The following PCGF6 variants were observed in gnomAD, a reference collection of about 807,000 sequenced individuals.
PCGF6 encodes the protein polycomb group ring finger 6, also known as polycomb group RING finger protein 6.
In PCGF6, 24 loss-of-function variants were observed where a neutral mutation model predicts 45.5. The observed-to-expected ratio is 0.53, with a 90% CI of 0.38 to 0.74. The LOEUF is 0.74. Ranked by LOEUF, PCGF6 falls within the 30% of genes least tolerant of loss-of-function variation. PCGF6 has a pLI of 0.00. For missense variants in PCGF6, 356 were observed against 443.2 expected (o/e 0.80, Z 1.77); for synonymous variants, 152 against 162.1 (o/e 0.94, Z 0.47).
At chr10:103,309,110 G>C (rs2093147716) in intron 9 of PCGF6, among the ~76,000 whole-genome samples, 1 of 151,632 alleles carries the variant, frequency 6.6e-6, no homozygotes, top group South Asian at 2.1e-4. Flanking sequence ...ATGGAATTTT[G>C]AGTTAATGCT....
chr10:103,315,353 T>C (rs576377119), intron 8 of PCGF6, among the ~76,000 whole-genome samples: 14 of 151,916 alleles, frequency 9.2e-5, no homozygotes, highest in African/African-American at 3.1e-4. Context: ...ATCTGGCAAA[T>C]TGTGTGTTTT....
intron 7 of PCGF6, among the ~76,000 whole-genome samples, 168 bp downstream of exon 7, chr10:103,333,757 T>A (rs1349371266): frequency 6.6e-6 from 1 of 152,154 alleles, no homozygotes; most frequent in Non-Finnish European, 1.5e-5. Flanking sequence ...CTGTTCTGAA[T>A]GAACAAATCC....
At chr10:103,305,696 C>A (rs745842478) in intron 9 of PCGF6, among the ~76,000 whole-genome samples, 1 of 152,130 alleles carries the variant, frequency 6.6e-6, no homozygotes, top group African/African-American at 2.4e-5. Context: ...TGCTAAAGCT[C>A]TGAAACACTT....
intron 8 of PCGF6, among the ~76,000 whole-genome samples, chr10:103,323,923 T>C (rs1026902093): frequency 5.9e-5 from 9 of 151,438 alleles, no homozygotes; most frequent in Non-Finnish European, 8.8e-5. Context: ...TAACTAACAA[T>C]ACAGTATTTT....
At chr10:103,340,774 G>A (rs1051829478) in intron 6 of PCGF6, among the ~76,000 whole-genome samples, 2 of 151,726 alleles carry the variant, frequency 1.3e-5, no homozygotes, top group South Asian at 2.1e-4. Flanking sequence ...TTTTCTTTTC[G>A]TATTTTTTTG....
chr10:103,328,488 A>C (rs1471646119), intron 7 of PCGF6, among the ~76,000 whole-genome samples: 1 of 152,202 alleles, frequency 6.6e-6, no homozygotes, highest in African/African-American at 2.4e-5. Flanking sequence ...CTCCAGGCAG[A>C]CACCTGGGCT....
intron 7 of PCGF6, among the ~76,000 whole-genome samples, chr10:103,329,165 A>T (rs1250946352): frequency 1.3e-5 from 2 of 152,072 alleles, no homozygotes; most frequent in East Asian, 3.9e-4. Flanking sequence ...TCAGCCTCCC[A>T]AGTAGCTGGG....
At chr10:103,306,260 G>A (rs1592052013) in intron 9 of PCGF6, among the ~76,000 whole-genome samples, 3 of 152,090 alleles carry the variant, frequency 2.0e-5, no homozygotes, top group East Asian at 3.9e-4. Context: ...AACACCCACC[G>A]CTAATTTTTG....
At chr10:103,322,899 A>C (rs1362407991) in intron 8 of PCGF6, among the ~76,000 whole-genome samples, 6 of 151,374 alleles carry the variant, frequency 4.0e-5, no homozygotes, top group African/African-American at 1.2e-4. Flanking sequence ...CAAAAAACAA[A>C]AAACAAAAAA....
chr10:103,324,743 G>A (rs2093210665), intron 8 of PCGF6, among the ~76,000 whole-genome samples: 1 of 135,070 alleles, frequency 7.4e-6, no homozygotes, highest in Non-Finnish European at 1.5e-5. Flanking sequence ...CTGGGCAACG[G>A]AGTGAGACTC....
chr10:103,332,993 A>G (rs559402943), intron 7 of PCGF6, among the ~76,000 whole-genome samples: 2 of 152,010 alleles, frequency 1.3e-5, no homozygotes, highest in Non-Finnish European at 2.9e-5. Flanking sequence ...GCATGCCTGT[A>G]ATCCTAGCTA....
chr10:103,334,029 T>C, intron 6 of PCGF6, 77 bp from the exon 7 acceptor site: 1 of 987,506 alleles, frequency 1.0e-6, no homozygotes, highest in Non-Finnish European at 1.4e-6. Context: ...CATATATAAA[T>C]ATTTGAGAAA....
intron 6 of PCGF6, among the ~76,000 whole-genome samples, chr10:103,341,349 C>T (rs552946078): frequency 5.9e-5 from 9 of 151,894 alleles, no homozygotes; most frequent in Admixed American, 2.0e-4. Context: ...CTCCGCCTCC[C>T]GGGTTCAAGT....
chr10:103,348,998 C>T lies in PCGF6; in HGVS notation c.362G>A (p.Arg121His), dbSNP rs370275744. 2.2e-5 allele frequency: 36 copies of T among 1,606,682 alleles called. No homozygotes were observed. The highest frequency in any genetic ancestry group is 3.4e-5 in the South Asian group (3 of 89,202). ...GGTCAGCTCAGAGAGATTAATCAGG[C>T]GCTGCAAATAAACGGAAACAGTTTT... ...GRQDSEDEEE[R>H]LINLSELTPY... The change falls in exon 2 of 10, where the codon CGC (arginine) becomes CAC (histidine). Residue 121 changes from arginine to histidine, a missense_variant and splice_region_variant. By Grantham distance (29) the Arg-to-His change is conservative. Around this residue, in one of 2 missense-constraint regions of PCGF6, gnomAD observed 307 missense variants for 350.1 expected, o/e 0.88. Transcript: ENST00000369847.
At chr10:103,328,468 A>C (rs1024806634) in intron 7 of PCGF6, among the ~76,000 whole-genome samples, 1 of 152,164 alleles carries the variant, frequency 6.6e-6, no homozygotes, top group East Asian at 1.9e-4. Context: ...ATAGGTGTTG[A>C]GTGTAGGCAC....
chr10:103,318,272 G>C (rs2093183524), intron 8 of PCGF6, among the ~76,000 whole-genome samples: 1 of 150,756 alleles, frequency 6.6e-6, no homozygotes, highest in African/African-American at 2.4e-5. Flanking sequence ...GCAAAACCCT[G>C]TCTCTACAAA....
At chr10:103,309,535 ATC>A in intron 9 of PCGF6, among the ~76,000 whole-genome samples, 1 of 152,318 alleles carries the variant, frequency 6.6e-6, no homozygotes, top group East Asian at 1.9e-4. Flanking sequence ...AGACAATTAA[ATC>A]TGTTTTATTT....
intron 6 of PCGF6, among the ~76,000 whole-genome samples, chr10:103,340,194 A>ATATAT (rs1313278844): frequency 1.7e-3 from 186 of 106,402 alleles, no homozygotes; most frequent in African/African-American, 6.8e-3. Context: ...AAAAAAAAAA[A>ATATAT]AAAAATATAT....
At chr10:103,334,364 C>T (rs753822743) in intron 6 of PCGF6, among the ~76,000 whole-genome samples, 22 of 152,142 alleles carry the variant, frequency 1.4e-4, no homozygotes, top group Non-Finnish European at 2.6e-4. Flanking sequence ...ACTTATTTTA[C>T]TGTAGTGAGA....
Sources: allele counts gnomAD v4.1 joint callset (sites outside exome capture counted in the v4.1 genomes callset), GRCh38; gene constraint gnomAD v4.1.1; regional missense constraint gnomAD v4.1.1; transcripts MANE v1.5; gene names NCBI Gene and HGNC (gene_info 2026-07-23, HGNC 2026-07-21).